Variants in RSPH14 observed in about 807,000 individuals in gnomAD.
RSPH14 encodes the protein radial spoke head 14 homolog.
Under a neutral mutation model 26.7 loss-of-function variants are expected in RSPH14, and 20 were observed. That is an observed-to-expected ratio of 0.75 (90% CI 0.53 to 1.09). The LOEUF (loss-of-function observed/expected upper bound fraction) is 1.09, where lower values mean the gene tolerates loss of function less well. Ranked by LOEUF, RSPH14 falls within the 50% of genes least tolerant of loss-of-function variation. The pLI is 0.00. For synonymous variants in RSPH14, 177 were observed against 189.3 expected (o/e 0.93, Z 0.53); for missense variants, 449 against 457.2 (o/e 0.98, Z 0.16).
At chr22:23,116,953 C>T (rs927378040) in intron 4 of RSPH14, among the ~76,000 whole-genome samples, 9 of 152,292 alleles carry the variant, frequency 5.9e-5, no homozygotes, top group Admixed American at 4.6e-4. Flanking sequence ...CCTCTCCCAC[C>T]GCAGGCCCAT....
chr22:23,097,211 G>A (rs1358938677), intron 4 of RSPH14, among the ~76,000 whole-genome samples: 1 of 152,182 alleles, frequency 6.6e-6, no homozygotes, highest in African/African-American at 2.4e-5. Flanking sequence ...TCACGAAGTT[G>A]TGGGTACCCT....
the RSPH14 span, among the ~76,000 whole-genome samples, chr22:23,175,057 C>T: frequency 2.0e-5 from 3 of 150,690 alleles, no homozygotes; most frequent in African/African-American, 4.9e-5. Context: ...AGTGCAGTGA[C>T]GCAATCTTGG....
In RSPH14 at chr22:23,069,749, C is replaced by T. The variant is rs539332979; in HGVS notation, c.422-5616G>A. 2.6e-5 allele frequency among the ~76,000 whole-genome samples: 4 copies of T among 152,226 alleles called. No individual in the cohort carries two copies. The East Asian group carries it at 7.8e-4, about 30-fold the overall frequency. On this transcript the variant is annotated intron_variant, in intron 4 of 6. Coordinates refer to ENST00000216036, the MANE Select transcript of RSPH14 (RefSeq NM_014433.3). ...CGGCAGAGATGACTAATGCTCCCTC[C>T]CATCGCTGCACAAACCTCACCGGTG...
chr22:23,124,916 G>A (rs2070140460), intron 4 of RSPH14: 1 of 152,572 alleles, frequency 6.6e-6, no homozygotes, highest in South Asian at 2.1e-4. Context: ...TGTGTCCGAG[G>A]TCAGTGTGCG....
intron 4 of RSPH14, 22 bp from the exon 5 acceptor site, chr22:23,064,155 T>C (rs1569153239): frequency 1.2e-6 from 2 of 1,611,006 alleles, no homozygotes; most frequent in East Asian, 4.5e-5. Context: ...GAAAGGGCAC[T>C]GAGGGCGGGC....
At chr22:23,094,801 G>A (rs1819027008) in intron 4 of RSPH14, among the ~76,000 whole-genome samples, 1 of 152,236 alleles carries the variant, frequency 6.6e-6, no homozygotes, top group Admixed American at 6.5e-5. Flanking sequence ...CGGGGGTAAT[G>A]AGAGTCAGGG....
intron 4 of RSPH14, among the ~76,000 whole-genome samples, chr22:23,112,903 T>C (rs972658562): frequency 6.6e-6 from 1 of 152,090 alleles, no homozygotes; most frequent in Non-Finnish European, 1.5e-5. Context: ...TGGGCAGAGC[T>C]ACCCCATGCT....
At chr22:23,097,864 C>T (rs972379214) in intron 4 of RSPH14, among the ~76,000 whole-genome samples, 1 of 152,254 alleles carries the variant, frequency 6.6e-6, no homozygotes, top group African/African-American at 2.4e-5. Flanking sequence ...GCTTGCGCCA[C>T]TGGCCTCACC....
At chr22:23,140,940 T>C (rs1008979266) in intron 1 of RSPH14, among the ~76,000 whole-genome samples, 8 of 152,208 alleles carry the variant, frequency 5.3e-5, no homozygotes, top group Admixed American at 4.6e-4. Context: ...CTGGTAAGAC[T>C]AGAAGCCAGT....
At chr22:23,130,680 C>T (rs977163277) in intron 4 of RSPH14, among the ~76,000 whole-genome samples, 9 of 152,108 alleles carry the variant, frequency 5.9e-5, no homozygotes, top group Non-Finnish European at 1.3e-4. Flanking sequence ...ATTACACACT[C>T]CTTCAAATCA....
the RSPH14 span, among the ~76,000 whole-genome samples, chr22:23,165,942 A>G: frequency 6.6e-6 from 1 of 151,976 alleles, no homozygotes; most frequent in Non-Finnish European, 1.5e-5. Context: ...GTCAGGAGAT[A>G]GAGACCATCC....
intron 4 of RSPH14, among the ~76,000 whole-genome samples, chr22:23,099,516 G>A (rs1344607759): frequency 6.6e-6 from 1 of 152,246 alleles, no homozygotes; most frequent in African/African-American, 2.4e-5. Context: ...CCTGTCCCCT[G>A]AATGATCCTG....
At chr22:23,124,095 G>A (rs1178080375) in intron 4 of RSPH14, 1 of 214,102 alleles carries the variant, frequency 4.7e-6, no homozygotes, top group Non-Finnish European at 9.7e-6. Flanking sequence ...AAAACGAGTG[G>A]CACGATTTAT....
chr22:23,086,080 C>G (rs1043090019), intron 4 of RSPH14, among the ~76,000 whole-genome samples: 1 of 152,260 alleles, frequency 6.6e-6, no homozygotes, highest in African/African-American at 2.4e-5. Context: ...CTTCTGTCTA[C>G]GGCGGGTGAC....
chr22:23,169,729 G>C, the RSPH14 span, among the ~76,000 whole-genome samples: 1 of 152,136 alleles, frequency 6.6e-6, no homozygotes, highest in South Asian at 2.1e-4. Flanking sequence ...GGGCTGGTTG[G>C]ATAGGACCCC....
chr22:23,161,514 C>T, the RSPH14 span: 7 of 1,612,654 alleles, frequency 4.3e-6, no homozygotes, highest in Non-Finnish European at 1.7e-6. Flanking sequence ...GGAAGGGAGT[C>T]CGCCCGAGAC....
intron 4 of RSPH14, among the ~76,000 whole-genome samples, chr22:23,130,476 G>GAGAA (rs1181544065): frequency 1.3e-4 from 1 of 7,872 alleles, no homozygotes; most frequent in African/African-American, 1.1e-3. Context: ...AAAAAGAAAA[G>GAGAA]AGAAAGAAAG....
chr22:23,147,421 C>T (rs552311987), upstream of RSPH14, among the ~76,000 whole-genome samples: 1 of 152,210 alleles, frequency 6.6e-6, no homozygotes, highest in South Asian at 2.1e-4. Context: ...CCTCTAACTC[C>T]TGGGCTGAAG....
chr22:23,158,943 C>T, the RSPH14 span: 4 of 1,614,200 alleles, frequency 2.5e-6, no homozygotes, highest in South Asian at 1.1e-5. Context: ...CAGGCTCCTG[C>T]TTCATCTTCC....
Sources: allele counts gnomAD v4.1 joint callset (sites outside exome capture counted in the v4.1 genomes callset), GRCh38; gene constraint gnomAD v4.1.1; transcripts MANE v1.5; gene names NCBI Gene and HGNC (gene_info 2026-07-23, HGNC 2026-07-21).